RORA: variants seen among roughly 807,000 people sequenced by gnomAD.
RORA encodes the protein RAR related orphan receptor A.
Under a neutral mutation model 69.5 loss-of-function variants are expected in RORA, and 7 were observed. The ratio of observed to expected loss-of-function variants is 0.10; its 90% CI spans 0.06 to 0.19. RORA has a LOEUF of 0.19. Among genes scored for constraint, RORA ranks in the 10% least tolerant of loss-of-function variants. The pLI, the probability that RORA is intolerant of heterozygous loss-of-function variation, is 1.00. For missense variants in RORA, 457 were observed against 663.0 expected (o/e 0.69, Z 3.41); for synonymous variants, 261 against 240.8 (o/e 1.08, Z -0.78).
chr15:61,011,963 A>G (rs1473100609), intron 1 of RORA, among the ~76,000 whole-genome samples: 1 of 152,258 alleles, frequency 6.6e-6, no homozygotes, highest in Non-Finnish European at 1.5e-5. Context: ...AAGAGCTGAG[A>G]GATCACCTGG....
chr15:61,049,945 C>G (rs8032464), intron 1 of RORA, among the ~76,000 whole-genome samples: 2,467 of 152,294 alleles, frequency 0.016, 73 homozygotes, highest in African/African-American at 0.055. Flanking sequence ...AGGTGTGAGC[C>G]ACGGCACTCG....
chr15:61,221,940 T>G (rs2080100755), intron 1 of RORA, among the ~76,000 whole-genome samples: 2 of 150,686 alleles, frequency 1.3e-5, no homozygotes, highest in South Asian at 4.2e-4. Flanking sequence ...GAGGATCCCT[T>G]GAGCCCATCT....
intron 2 of RORA, among the ~76,000 whole-genome samples, chr15:60,573,432 T>C (rs1028625136): frequency 2.6e-5 from 4 of 152,166 alleles, no homozygotes; most frequent in Non-Finnish European, 5.9e-5. Flanking sequence ...TCCAAAAAGC[T>C]TTTTTATCTC....
chr15:61,101,424 G>C (rs909174038), intron 1 of RORA, among the ~76,000 whole-genome samples: 2 of 151,986 alleles, frequency 1.3e-5, no homozygotes, highest in African/African-American at 4.8e-5. Flanking sequence ...TAAAAATTTC[G>C]AGGCACTGGG....
intron 1 of RORA, among the ~76,000 whole-genome samples, chr15:60,951,172 C>T (rs1456764236): frequency 2.0e-5 from 3 of 152,108 alleles, no homozygotes; most frequent in Admixed American, 6.5e-5. Context: ...AACTGAACAA[C>T]CTGCTCCTGA....
At chr15:60,812,080 C>T (rs1292616976) in intron 1 of RORA, among the ~76,000 whole-genome samples, 1 of 152,176 alleles carries the variant, frequency 6.6e-6, no homozygotes. Flanking sequence ...TCTCTGATCA[C>T]ACTACCTAGA....
At chr15:61,216,979 C>T (rs568077805) in intron 1 of RORA, among the ~76,000 whole-genome samples, 2 of 152,080 alleles carry the variant, frequency 1.3e-5, no homozygotes, top group Non-Finnish European at 2.9e-5. Flanking sequence ...TAGGCCTGAT[C>T]GTGCAATTGA....
intron 1 of RORA, among the ~76,000 whole-genome samples, chr15:61,163,295 G>A (rs1448757465): frequency 6.6e-6 from 1 of 152,168 alleles, no homozygotes; most frequent in Non-Finnish European, 1.5e-5. Flanking sequence ...GAGGATCCGT[G>A]TTCCAGGAGA....
At chr15:61,203,030 C>G (rs1223525108) in intron 1 of RORA, among the ~76,000 whole-genome samples, 1 of 152,020 alleles carries the variant, frequency 6.6e-6, no homozygotes, top group Non-Finnish European at 1.5e-5. Flanking sequence ...AATTAGTATA[C>G]CTTAAGTACT....
At chr15:60,939,632 C>G (rs1248044981) in intron 1 of RORA, among the ~76,000 whole-genome samples, 1 of 152,190 alleles carries the variant, frequency 6.6e-6, no homozygotes, top group African/African-American at 2.4e-5. Context: ...GTCACCACTC[C>G]CCTTCACAAC....
At chr15:61,025,845 A>G (rs191977124) in intron 1 of RORA, among the ~76,000 whole-genome samples, 2 of 152,342 alleles carry the variant, frequency 1.3e-5, no homozygotes, top group South Asian at 2.1e-4. Context: ...CTTTATGCAC[A>G]TAATTTGCCA....
intron 1 of RORA, among the ~76,000 whole-genome samples, chr15:61,190,784 A>G (rs1433568296): frequency 3.9e-5 from 6 of 152,190 alleles, no homozygotes; most frequent in Admixed American, 3.9e-4. Context: ...AATTCAAAGG[A>G]GAACTGACAT....
intron 1 of RORA, among the ~76,000 whole-genome samples, chr15:61,110,601 A>G (rs2078996826): frequency 6.6e-6 from 1 of 152,166 alleles, no homozygotes; most frequent in Admixed American, 6.5e-5. Flanking sequence ...CATTGCTGTT[A>G]TAGGCGAGGA....
At chr15:61,155,793 AG>A (rs1378945848) in intron 1 of RORA, among the ~76,000 whole-genome samples, 5 of 152,212 alleles carry the variant, frequency 3.3e-5, no homozygotes, top group Non-Finnish European at 4.4e-5. Flanking sequence ...CAAACAGCAA[AG>A]CTGGTGAATC....
intron 1 of RORA, among the ~76,000 whole-genome samples, chr15:60,986,753 G>A (rs1894214918): frequency 6.6e-6 from 1 of 152,156 alleles, no homozygotes; most frequent in Non-Finnish European, 1.5e-5. Context: ...GTCTCTAACT[G>A]CATGAAAACT....
chr15:60,543,599 C>T (rs1372424044), intron 2 of RORA, among the ~76,000 whole-genome samples: 1 of 152,168 alleles, frequency 6.6e-6, no homozygotes. Context: ...CCACCTCAGC[C>T]TCCTGAGTAG....
chr15:61,015,147 A>G (rs1056981348), intron 1 of RORA, among the ~76,000 whole-genome samples: 1 of 152,224 alleles, frequency 6.6e-6, no homozygotes, highest in Non-Finnish European at 1.5e-5. Context: ...TGCACATTCT[A>G]TCTCTAAAGA....
intron 1 of RORA, among the ~76,000 whole-genome samples, chr15:61,069,904 A>T (rs1023804040): frequency 6.6e-6 from 1 of 152,192 alleles, no homozygotes; most frequent in African/African-American, 2.4e-5. Context: ...GAATAAACCC[A>T]AAGTCCATTC....
chr15:60,563,356 C>T (rs974828), intron 2 of RORA, among the ~76,000 whole-genome samples: 44,326 of 152,122 alleles, frequency 0.29, 13,645 homozygotes, highest in African/African-American at 0.78. Context: ...GGCCTAAGCA[C>T]GCATTTTTTC....
Sources: gnomAD v4.1 joint callset for allele counts (sites outside exome capture counted in the v4.1 genomes callset) on GRCh38, gnomAD v4.1.1 for gene constraint, MANE v1.5 for transcripts, NCBI Gene and HGNC (gene_info 2026-07-23, HGNC 2026-07-21) for gene names.